GLP2R: variants seen among roughly 807,000 people sequenced by gnomAD.
The protein encoded by GLP2R is glucagon like peptide 2 receptor.
GLP2R carries 59 observed loss-of-function variants against 68.2 expected under a neutral mutation model. That is an observed-to-expected ratio of 0.87 (90% CI 0.70 to 1.07). The LOEUF is 1.07. Among genes scored for constraint, GLP2R ranks in the 50% least tolerant of loss-of-function variants. The probability of loss-of-function intolerance (pLI) is 0.00; values close to 1 mark genes in which losing one functional copy is unlikely to be tolerated. For missense variants in GLP2R, 548 were observed against 677.4 expected (o/e 0.81, Z 2.12); for synonymous variants, 270 against 265.4 (o/e 1.02, Z -0.17).
At position 9,863,511 on chromosome 17, in the gene GLP2R, A is replaced by T. The variant is rs2067005932; in HGVS notation, c.1056+1421A>T. Among the ~76,000 whole-genome samples the T allele has an allele frequency of 1.3e-5, 2 of 152,164 alleles. 1 individual carries two copies. Among genetic ancestry groups the T allele is most frequent in the Non-Finnish European group, 2.9e-5 (2 of 68,026 alleles). ...GGCACTTTTAACCGTAGCACTGTGC[A>T]GCTCAAAAACTATTTACTGCCTCCA... On this transcript the variant is annotated intron_variant, in intron 9 of 12. Coordinates refer to ENST00000262441, the MANE Select transcript of GLP2R (RefSeq NM_004246.3).
chr17:9,870,502 C>T (rs1442006124), intron 9 of GLP2R, among the ~76,000 whole-genome samples: 2 of 152,218 alleles, frequency 1.3e-5, no homozygotes, highest in Non-Finnish European at 2.9e-5. Context: ...TCCTTCCAGA[C>T]TTTCAGTTCA....
At chr17:9,836,934 C>T (rs1405676991) in intron 3 of GLP2R, among the ~76,000 whole-genome samples, 1 of 152,080 alleles carries the variant, frequency 6.6e-6, no homozygotes, top group Non-Finnish European at 1.5e-5. Context: ...ACTGCAACCT[C>T]CGCCTCCCAG....
At chr17:9,860,222 C>T in intron 7 of GLP2R, 121 bp downstream of exon 7, 1 of 898,696 alleles carries the variant, frequency 1.1e-6, no homozygotes, top group Non-Finnish European at 1.7e-6. Flanking sequence ...TATAAGTCCT[C>T]AAAGACAGGG....
chr17:9,836,039 C>CAAAAAAAAAAAA (rs10706067), intron 2 of GLP2R, among the ~76,000 whole-genome samples: 3 of 87,170 alleles, frequency 3.4e-5, no homozygotes, highest in African/African-American at 4.6e-5. Flanking sequence ...ACTCCATCTC[C>CAAAAAAAAAAAA]AAAAAAAAAA....
At chr17:9,885,177 T>TATC (rs1200532107) in intron 11 of GLP2R, among the ~76,000 whole-genome samples, 1 of 148,442 alleles carries the variant, frequency 6.7e-6, no homozygotes, top group African/African-American at 2.5e-5. Context: ...TTATTATTAT[T>TATC]ATTATTATTA....
chr17:9,832,753 A>ATAAAAATAAAATC (rs1442086861), intron 1 of GLP2R, among the ~76,000 whole-genome samples: 2 of 152,156 alleles, frequency 1.3e-5, no homozygotes, highest in Non-Finnish European at 2.9e-5. Context: ...AATAAATAAA[A>ATAAAAATAAAATC]TAAAAATAAA....
In GLP2R at chr17:9,826,098, G is replaced by T. The variant is rs1386965734; in HGVS notation, c.35G>T (p.Arg12Ile). 3 of 1,612,966 alleles carry T rather than the reference G, an allele frequency of 1.9e-6. No individual in the cohort carries two copies. The highest frequency in any genetic ancestry group is 2.5e-6 in the Non-Finnish European group (3 of 1,179,654). The change falls in exon 1 of 13, where the codon AGA becomes ATA. Residue 12 changes from arginine (R) to isoleucine (I), a missense_variant. Coordinates refer to ENST00000262441, the MANE Select transcript of GLP2R (RefSeq NM_004246.3). ...GGATCGAGCAGGGCAGGGCCTGGGA[G>T]AGGAAGCGCGGGACTCCTGCCTGGC... Reference protein sequence around the residue: ...KLGSSRAGPGRGSAGLLPGVH... With the variant: ...KLGSSRAGPGIGSAGLLPGVH...
chr17:9,831,985 A>G (rs1471422818), intron 1 of GLP2R, among the ~76,000 whole-genome samples: 1 of 152,208 alleles, frequency 6.6e-6, no homozygotes, highest in Admixed American at 6.5e-5. Context: ...CTTGCATGCC[A>G]GCCAGTTATA....
Position 9,889,391 on chromosome 17 carries a change from T to C in GLP2R, c.1348T>C (p.Tyr450His), listed in dbSNP as rs1265482672. ...GCAGGTGAAGGCTGAGCTGCGGAAA[T>C]ACTGGGTCCGCTTCTTGCTAGCCCG... is the stretch of plus-strand genomic sequence containing the variant. ...NGEVKAELRK[Y>H]WVRFLLARHS... Residue 450 changes from tyrosine to histidine, a missense_variant, in exon 13 of 13, where the codon TAC (tyrosine) becomes CAC (histidine). Physicochemically the swap from Tyr to His is moderately conservative, Grantham distance 83 (BLOSUM62 2). Transcript: ENST00000262441. 2.5e-6 allele frequency: 4 copies of C among 1,613,490 alleles called. No homozygotes were observed. In the South Asian group the frequency reaches 3.3e-5, roughly 13 times the overall value.
chr17:9,840,228 G>A (rs965458457), intron 3 of GLP2R, among the ~76,000 whole-genome samples: 1 of 152,192 alleles, frequency 6.6e-6, no homozygotes, highest in Non-Finnish European at 1.5e-5. Context: ...TCCCGCCTTG[G>A]CCTCCCAAAA....
Position 9,842,595 on chromosome 17 carries a change from G to A in GLP2R, c.483G>A (p.Glu161=). The stretch of plus-strand genomic sequence containing the variant: ...GGCAGGATGACTCCGAATGCTCCGA[G>A]AACCACAGCTTCAAGCAAAACGTGA... ...DIWQDDSECS[E]NHSFKQNVDR... Residue 161 remains glutamate (E), a synonymous_variant, in exon 4 of 13, where the codon GAG becomes GAA. Transcript: ENST00000262441. 1.2e-6 allele frequency: 2 copies of A among 1,613,926 alleles called. No individual in the cohort carries two copies. Among genetic ancestry groups the A allele is most frequent in the Non-Finnish European group, 1.7e-6 (2 of 1,180,006 alleles).
Position 9,826,196 on chromosome 17 carries a change from C to T in GLP2R, c.133C>T (p.Leu45Phe), listed in dbSNP as rs2066626787. 1 of 1,613,424 alleles carries T rather than the reference C, an allele frequency of 6.2e-7. No homozygotes were observed. Among genetic ancestry groups the T allele is most frequent in the Non-Finnish European group, 8.5e-7 (1 of 1,179,798 alleles). ...TCTCTCCTTCCACAGGAAGTGCTCTCTCTGGGCCCCTGGGAGGCCCTTCCT... is the reference window on the plus strand; with the variant it reads ...TCTCTCCTTCCACAGGAAGTGCTCTTTCTGGGCCCCTGGGAGGCCCTTCCT... ...SPLSFHRKCSLWAPGRPFLTL... is the reference protein window; with the variant it reads ...SPLSFHRKCSFWAPGRPFLTL... The change falls in exon 1 of 13, where the codon CTC (leucine) becomes TTC (phenylalanine). Residue 45 changes from leucine (L) to phenylalanine (F), a missense_variant. By Grantham distance (22) the Leu-to-Phe change is conservative. Coordinates refer to ENST00000262441, the MANE Select transcript of GLP2R (RefSeq NM_004246.3).
chr17:9,850,106 A>C (rs183998041), intron 4 of GLP2R, among the ~76,000 whole-genome samples: 46 of 152,300 alleles, frequency 3.0e-4, no homozygotes, highest in African/African-American at 1.1e-3. Context: ...ACTATGTATG[A>C]GAGTACCTGT....
chr17:9,855,130 G>T (rs1291017958), intron 5 of GLP2R, among the ~76,000 whole-genome samples: 1 of 152,238 alleles, frequency 6.6e-6, no homozygotes, highest in Non-Finnish European at 1.5e-5. Flanking sequence ...AAACAAAAGT[G>T]TGGATAATGG....
At chr17:9,842,645 ATCCAGGGTCCAAACCACCC>A in intron 4 of GLP2R, 29 bp downstream of exon 4, 8 of 1,611,934 alleles carry the variant, frequency 5.0e-6, no homozygotes, top group Non-Finnish European at 6.8e-6. Context: ...GTGAGGAGGC[ATCCAGGGTCCAAACCACCC>A]TCCTTCGGGA....
intron 3 of GLP2R, among the ~76,000 whole-genome samples, chr17:9,841,101 C>T (rs2066782282): frequency 6.6e-6 from 1 of 151,352 alleles, no homozygotes; most frequent in African/African-American, 2.4e-5. Context: ...ACTGCAACCT[C>T]TGCCTCCCAG....
chr17:9,834,324 A>G (rs915393822), intron 2 of GLP2R, among the ~76,000 whole-genome samples: 6 of 152,190 alleles, frequency 3.9e-5, no homozygotes, highest in African/African-American at 1.4e-4. Context: ...GCCGTCTTTG[A>G]TAAAAGCCAT....
intron 6 of GLP2R, among the ~76,000 whole-genome samples, chr17:9,859,136 C>T (rs12937085): frequency 0.15 from 23,129 of 151,926 alleles, 2,464 homozygotes; most frequent in East Asian, 0.49. Flanking sequence ...TGGTATTAAC[C>T]GTATGTTGTA....
Position 9,889,959 on chromosome 17 carries a change from C to G in GLP2R, c.*254C>G. The G allele has an allele frequency of 1.8e-6, 1 of 569,442 alleles. No individual in the cohort carries two copies. Among genetic ancestry groups the G allele is most frequent in the Non-Finnish European group, 3.3e-6 (1 of 300,458 alleles). The allele number at this position is 569,442 out of a possible 1,614,324, so 35.3% of individuals were successfully genotyped here. A position where few individuals can be genotyped will look rare whatever the true frequency, so the allele number is the denominator to read the frequency against. On this transcript the variant is annotated 3_prime_UTR_variant, in exon 13 of 13. Transcript: ENST00000262441. ...GTGTTTTCCACAATGCCCACCAGAC[C>G]CTAGGGCCTGGCTCTAAATTCAAGC...
Sources: allele counts gnomAD v4.1 joint callset (sites outside exome capture counted in the v4.1 genomes callset), GRCh38; gene constraint gnomAD v4.1.1; transcripts MANE v1.5; gene names NCBI Gene and HGNC (gene_info 2026-07-23, HGNC 2026-07-21).